Variants in USP34 observed in about 807,000 individuals in gnomAD.
USP34 encodes ubiquitin carboxyl-terminal hydrolase 34.
Under a neutral mutation model 460.3 loss-of-function variants are expected in USP34, and 70 were observed. The ratio of observed to expected loss-of-function variants is 0.15; its 90% CI spans 0.13 to 0.19. USP34 has a LOEUF of 0.19. Among genes scored for constraint, USP34 ranks in the 10% least tolerant of loss-of-function variants. USP34 has a pLI of 1.00. For missense variants in USP34, 3,985 were observed against 4,236.2 expected (o/e 0.94, Z 1.65); for synonymous variants, 1,647 against 1,405.3 (o/e 1.17, Z -3.85).
intron 1 of USP34, among the ~76,000 whole-genome samples, chr2:61,453,059 T>C (rs1004231521): frequency 2.0e-5 from 3 of 152,150 alleles, no homozygotes; most frequent in African/African-American, 7.2e-5. Context: ...TATAAAGCTT[T>C]TAGGCAATAA....
At chr2:61,211,114 A>C (rs1687262208) in intron 69 of USP34, among the ~76,000 whole-genome samples, 1 of 152,232 alleles carries the variant, frequency 6.6e-6, no homozygotes, top group Admixed American at 6.5e-5. Context: ...AATCTGAAAT[A>C]ACCTCATCTT....
intron 2 of USP34, among the ~76,000 whole-genome samples, chr2:61,408,245 G>A (rs948088828): frequency 2.0e-5 from 3 of 152,082 alleles, no homozygotes; most frequent in Non-Finnish European, 2.9e-5. Flanking sequence ...CCAACACCTT[G>A]ACTAAAACAT....
chr2:61,230,947 A>C (rs1425246103), intron 58 of USP34, among the ~76,000 whole-genome samples: 1 of 152,218 alleles, frequency 6.6e-6, no homozygotes, highest in Non-Finnish European at 1.5e-5. Flanking sequence ...CTTGTACTAA[A>C]AGTTCCTAAC....
chr2:61,270,462 T>C (rs1394916509), intron 41 of USP34, among the ~76,000 whole-genome samples: 1 of 152,068 alleles, frequency 6.6e-6, no homozygotes, highest in East Asian at 1.9e-4. Flanking sequence ...TTTTTGAGAG[T>C]GTCTTGCTTT....
At chr2:61,245,488 G>T (rs1340097679) in intron 50 of USP34, among the ~76,000 whole-genome samples, 200 bp from the exon 51 acceptor site, 1 of 151,298 alleles carries the variant, frequency 6.6e-6, no homozygotes, top group East Asian at 1.9e-4. Context: ...CTTATAATCA[G>T]ATAGATCCAT....
chr2:61,423,558 T>C (rs1694423296), intron 1 of USP34, among the ~76,000 whole-genome samples: 1 of 152,168 alleles, frequency 6.6e-6, no homozygotes, highest in Admixed American at 6.5e-5. Context: ...TGTAAATAAA[T>C]GGGAAGAAAT....
intron 8 of USP34, among the ~76,000 whole-genome samples, chr2:61,374,965 T>C (rs571982038): frequency 2.0e-5 from 3 of 152,172 alleles, no homozygotes; most frequent in East Asian, 3.9e-4. Flanking sequence ...CTAATAGACA[T>C]CTATAGAACA....
intron 33 of USP34, among the ~76,000 whole-genome samples, chr2:61,291,053 A>T (rs1475594056): frequency 6.6e-6 from 1 of 152,144 alleles, no homozygotes; most frequent in East Asian, 1.9e-4. Flanking sequence ...ATATTTGTAA[A>T]TCACATGCAC....
At chr2:61,242,404 CATCAGAAAAAGGTAAGA>C (rs1435187976) in intron 51 of USP34, among the ~76,000 whole-genome samples, 2 of 144,158 alleles carry the variant, frequency 1.4e-5, no homozygotes, top group Non-Finnish European at 1.5e-5. Flanking sequence ...GCAAAAGAAG[CATCAGAAAAAGGTAAGA>C]GTCAGAAAAA....
intron 10 of USP34, among the ~76,000 whole-genome samples, chr2:61,369,763 G>GA (rs757054089): frequency 2.2e-3 from 243 of 110,606 alleles, no homozygotes; most frequent in African/African-American, 5.9e-3. Context: ...AATTAAGAAA[G>GA]AAAAAAAAAA....
At chr2:61,266,873 T>C (rs1689064250) in intron 41 of USP34, among the ~76,000 whole-genome samples, 1 of 152,156 alleles carries the variant, frequency 6.6e-6, no homozygotes, top group African/African-American at 2.4e-5. Context: ...CTCCCTACAT[T>C]GATACAAAAC....
rs780099568 is a variant in USP34, at chr2:61,325,394, C to A, written c.2994G>T (p.Leu998=). The change falls in exon 21 of 80, where the codon CTG becomes CTT. Residue 998 remains leucine (L), a synonymous_variant. Coordinates refer to ENST00000398571, the MANE Select transcript of USP34 (RefSeq NM_014709.4). ...ACTTACTGAAATGATCAGGTGATCC[C>A]AGAGTTGAAAATACACAAGTCAAGA... ...LQFLTCVFST[L]GSPDHFRLSL... 1 of 1,557,390 alleles carries A rather than the reference C, an allele frequency of 6.4e-7. No homozygotes were observed. Among genetic ancestry groups the A allele is most frequent in the Non-Finnish European group, 8.6e-7 (1 of 1,160,118 alleles).
chr2:61,319,769 T>C (rs1421000341), intron 21 of USP34, among the ~76,000 whole-genome samples: 2 of 152,058 alleles, frequency 1.3e-5, no homozygotes, highest in African/African-American at 4.8e-5. Context: ...TGCTTGAACC[T>C]GGGAGGTGAA....
chr2:61,295,050 A>T lies in USP34; in HGVS notation c.4378-18T>A, dbSNP rs1243091261. On this transcript the variant is annotated intron_variant, in intron 31 of 79. Coordinates refer to ENST00000398571, the MANE Select transcript of USP34 (RefSeq NM_014709.4). ...TAACTTCCCTATGAGAAAGGCAAAA[A>T]AAGTAAGGCAGAATGGCGGAAGAAA... is the stretch of plus-strand genomic sequence containing the variant. 6.2e-7 allele frequency: 1 copy of T among 1,607,972 alleles called. No individual in the cohort carries two copies. The highest frequency in any genetic ancestry group is 8.5e-7 in the Non-Finnish European group (1 of 1,178,210).
At chr2:61,462,651 AG>A (rs1228585662) in intron 1 of USP34, among the ~76,000 whole-genome samples, 1 of 151,980 alleles carries the variant, frequency 6.6e-6, no homozygotes, top group East Asian at 1.9e-4. Flanking sequence ...ACTTGAGGCC[AG>A]GAGTTTGAGA....
At chr2:61,243,246 A>T (rs1316478283) in intron 51 of USP34, among the ~76,000 whole-genome samples, 1 of 152,034 alleles carries the variant, frequency 6.6e-6, no homozygotes, top group African/African-American at 2.4e-5. Context: ...TCCCGGGTTC[A>T]AGCGATTCTC....
rs779750277 is a variant in USP34 at position 61,348,416 on chromosome 2, C to T, written c.1739G>A (p.Gly580Asp). ...NSGEDGSSGPGSSSGHSDGSS... is the reference protein window; with the variant it reads ...NSGEDGSSGPDSSSGHSDGSS... ...TCCATCACTATGCCCACTACTGCTACCAGGACCACTGCTTCCATCTTCACC... is the reference window on the plus strand; with the variant it reads ...TCCATCACTATGCCCACTACTGCTATCAGGACCACTGCTTCCATCTTCACC... Residue 580 changes from glycine (G) to aspartate (D), a missense_variant, in exon 15 of 80, where the codon GGT (glycine) becomes GAT (aspartate). By Grantham distance (94) the Gly-to-Asp change is moderately conservative (BLOSUM62 -1). Transcript: ENST00000398571. The T allele has an allele frequency of 5.0e-6, 8 of 1,613,718 alleles. No homozygotes were observed. In the South Asian group the frequency reaches 6.6e-5, roughly 13 times the overall value.
intron 43 of USP34, among the ~76,000 whole-genome samples, chr2:61,260,919 CAATTTTTAAATA>C (rs886419867): frequency 1.3e-5 from 2 of 152,116 alleles, no homozygotes; most frequent in African/African-American, 2.4e-5. Flanking sequence ...ACTTAATGCG[CAATTTTTAAATA>C]AATACATAGC....
At position 61,315,284 on chromosome 2, in the gene USP34, A is replaced by G. The variant is rs150754177; in HGVS notation, c.3283-310T>C. ...AACACAATAACGAGCACAATGCTTCAATGAATCCATCCAACCTAAACTGAG... is the reference window on the plus strand; with the variant it reads ...AACACAATAACGAGCACAATGCTTCGATGAATCCATCCAACCTAAACTGAG... On this transcript the variant is annotated intron_variant, in intron 23 of 79. Transcript: ENST00000398571. Among the ~76,000 whole-genome samples the G allele has an allele frequency of 5.9e-5, 9 of 152,326 alleles. No homozygotes were observed. The East Asian group carries it at 1.7e-3, about 29-fold the overall frequency.
Sources: gnomAD v4.1 joint callset for allele counts (sites outside exome capture counted in the v4.1 genomes callset) on GRCh38, gnomAD v4.1.1 for gene constraint, MANE v1.5 for transcripts, NCBI Gene and HGNC (gene_info 2026-07-23, HGNC 2026-07-21) for gene names.